The following SDHB variants were observed in gnomAD, a reference collection of about 807,000 sequenced individuals.
SDHB encodes succinate dehydrogenase [ubiquinone] iron-sulfur subunit, mitochondrial.
In SDHB, 21 loss-of-function variants were observed where a neutral mutation model predicts 39.7. That is an observed-to-expected ratio of 0.53 (90% CI 0.37 to 0.76). The LOEUF is 0.76. Among genes scored for constraint, SDHB ranks in the 30% least tolerant of loss-of-function variants. SDHB has a pLI of 0.00. For synonymous variants in SDHB, 118 were observed against 117.0 expected, an observed-to-expected ratio of 1.01 and a Z score of -0.06; for missense variants, 343 against 350.9, an observed-to-expected ratio of 0.98 and a Z score of 0.18.
chr1:17,044,444 C>A (rs996343133), intron 2 of SDHB, among the ~76,000 whole-genome samples: 1 of 151,872 alleles, frequency 6.6e-6, no homozygotes, highest in Non-Finnish European at 1.5e-5. Context: ...TGTGCCCCAG[C>A]CTCCTGAGTG....
rs566653361 is a variant in SDHB at position 17,035,903 on chromosome 1, T to A, written c.201-2758A>T. Among the ~76,000 whole-genome samples, 40 of 151,826 alleles carry A rather than the reference T, an allele frequency of 2.6e-4. 1 individual carries two copies. Among genetic ancestry groups the A allele is most frequent in the Non-Finnish European group, 4.4e-4 (30 of 67,946 alleles). On this transcript the variant is annotated intron_variant, in intron 2 of 7. Coordinates refer to ENST00000375499, the MANE Select transcript of SDHB (RefSeq NM_003000.3). ...AGATAAATAAATAAATAAATTCAAA[T>A]CAAAGGTAAAAAGTAATCCTGCAGA...
At chr1:17,023,932 T>C (rs1397346550) in intron 6 of SDHB, 41 bp downstream of exon 6, 1 of 1,470,534 alleles carries the variant, frequency 6.8e-7, no homozygotes, top group East Asian at 2.3e-5. Flanking sequence ...TCTGGATGCT[T>C]GAGTTTCAAT....
intron 5 of SDHB, among the ~76,000 whole-genome samples, chr1:17,026,109 C>A (rs912631523): frequency 5.9e-5 from 9 of 152,234 alleles, no homozygotes; most frequent in African/African-American, 1.9e-4. Context: ...AATACCACAT[C>A]AGGGAGATGT....
intron 2 of SDHB, among the ~76,000 whole-genome samples, chr1:17,035,121 T>C (rs1023905507): frequency 6.6e-6 from 1 of 152,178 alleles, no homozygotes; most frequent in African/African-American, 2.4e-5. Context: ...TCACTGCCAA[T>C]AGTAATGTGC....
intron 7 of SDHB, among the ~76,000 whole-genome samples, chr1:17,019,756 T>A (rs927075610): frequency 2.6e-5 from 4 of 152,072 alleles, no homozygotes; most frequent in Admixed American, 6.5e-5. Context: ...AAATATATAT[T>A]TTTTTGACAG....
rs185700976 is a variant in SDHB, at chr1:17,044,353, C to G, written c.200+408G>C. On this transcript the variant is annotated intron_variant, in intron 2 of 7. Transcript: ENST00000375499. The stretch of plus-strand genomic sequence containing the variant: ...TTTTTTTTTTTTTTGGAGACAGAGT[C>G]TCACTCTGTTGCCCAGGCTGGAGTG... 5.4e-3 allele frequency among the ~76,000 whole-genome samples: 791 copies of G among 147,360 alleles called. 8 individuals are homozygous for G. Among genetic ancestry groups the G allele is most frequent in the African/African-American group, 0.019 (760 of 40,024 alleles).
At chr1:17,050,263 C>T (rs1165328692) in intron 1 of SDHB, among the ~76,000 whole-genome samples, 3 of 151,190 alleles carry the variant, frequency 2.0e-5, no homozygotes, top group Admixed American at 6.6e-5. Context: ...ATATCTAAGT[C>T]GACATATCCC....
intron 1 of SDHB, chr1:17,045,312 G>C (rs577660896): frequency 3.9e-6 from 1 of 254,444 alleles, no homozygotes; most frequent in East Asian, 1.1e-4. Flanking sequence ...CAGAATTAAG[G>C]GGAAGGAGTG....
chr1:17,039,431 A>T (rs995633877), intron 2 of SDHB, among the ~76,000 whole-genome samples: 3 of 150,398 alleles, frequency 2.0e-5, no homozygotes, highest in African/African-American at 4.9e-5. Flanking sequence ...AAAAAAAAAA[A>T]AAAAAATTGG....
chr1:17,053,582 G>A (rs2078160463), intron 1 of SDHB, among the ~76,000 whole-genome samples: 1 of 152,076 alleles, frequency 6.6e-6, no homozygotes, highest in African/African-American at 2.4e-5. Context: ...TTCTACAGAG[G>A]CGATAGTTTG....
In SDHB at chr1:17,031,811, T is replaced by A. The variant is rs995980384; in HGVS notation, c.286+1249A>T. Among the ~76,000 whole-genome samples, 7 of 152,228 alleles carry A rather than the reference T, an allele frequency of 4.6e-5. No individual in the cohort carries two copies. The East Asian group carries it at 1.3e-3, about 29-fold the overall frequency. On this transcript the variant is annotated intron_variant, in intron 3 of 7. Transcript: ENST00000375499. Reference sequence around the variant, plus strand: ...CTCTCTGCTTTTGTTTTATCCCAGGTGTTCCAAGCCAAGTCAGTGCCTGAG... The same window carrying A: ...CTCTCTGCTTTTGTTTTATCCCAGGAGTTCCAAGCCAAGTCAGTGCCTGAG...
At chr1:17,042,961 T>G (rs1264332166) in intron 2 of SDHB, among the ~76,000 whole-genome samples, 2 of 119,418 alleles carry the variant, frequency 1.7e-5, no homozygotes, top group African/African-American at 6.1e-5. Flanking sequence ...TGAGTTTTTT[T>G]TTTTTTTTTT....
intron 3 of SDHB, among the ~76,000 whole-genome samples, chr1:17,029,697 C>A (rs1205755768): frequency 6.6e-6 from 1 of 152,152 alleles, no homozygotes. Context: ...GTTGAAGTGA[C>A]CTGGATACAG....
At chr1:17,037,790 G>A in intron 2 of SDHB, among the ~76,000 whole-genome samples, 1 of 151,218 alleles carries the variant, frequency 6.6e-6, no homozygotes, top group East Asian at 2.0e-4. Flanking sequence ...TTGTAGAGAT[G>A]GGGGTCTCAT....
chr1:17,039,043 T>C (rs1034961661), intron 2 of SDHB, among the ~76,000 whole-genome samples: 3 of 152,180 alleles, frequency 2.0e-5, no homozygotes, highest in African/African-American at 7.2e-5. Context: ...GTTTTGCTTT[T>C]TTTAAAAAAA....
intron 5 of SDHB, among the ~76,000 whole-genome samples, chr1:17,026,253 G>A (rs139511900): frequency 8.5e-5 from 13 of 152,352 alleles, no homozygotes; most frequent in African/African-American, 2.9e-4. Context: ...AGTCTGAGAA[G>A]AGCAGCTCTG....
intron 2 of SDHB, among the ~76,000 whole-genome samples, chr1:17,043,831 G>C (rs891745717): frequency 6.6e-5 from 10 of 152,212 alleles, no homozygotes; most frequent in African/African-American, 2.4e-4. Context: ...CAGAATGACA[G>C]AGACCTCGGG....
At chr1:17,034,368 C>G (rs985968136) in intron 2 of SDHB, among the ~76,000 whole-genome samples, 1 of 152,036 alleles carries the variant, frequency 6.6e-6, no homozygotes, top group Admixed American at 6.6e-5. Context: ...AGGCTGGTCT[C>G]TAACTCCTGG....
intron 1 of SDHB, among the ~76,000 whole-genome samples, chr1:17,049,793 G>A (rs1406335039): frequency 2.0e-5 from 3 of 151,144 alleles, no homozygotes; most frequent in South Asian, 4.2e-4. Flanking sequence ...TTACAGGCGC[G>A]TGTCACACGC....
Sources: gnomAD v4.1 joint callset for allele counts (sites outside exome capture counted in the v4.1 genomes callset) on GRCh38, gnomAD v4.1.1 for gene constraint, MANE v1.5 for transcripts, NCBI Gene and HGNC (gene_info 2026-07-23, HGNC 2026-07-21) for gene names.